The following LSAMP variants were observed in gnomAD, a reference collection of about 807,000 sequenced individuals.
LSAMP encodes limbic system associated membrane protein.
In LSAMP, 7 loss-of-function variants were observed where a neutral mutation model predicts 38.6. The ratio of observed to expected loss-of-function variants is 0.18; its 90% CI spans 0.10 to 0.34. The LOEUF (loss-of-function observed/expected upper bound fraction) is 0.34. Among genes scored for constraint, LSAMP ranks in the 10% least tolerant of loss-of-function variants. The pLI is 1.00. For synonymous variants in LSAMP, 154 were observed against 166.8 expected (o/e 0.92, Z 0.59); for missense variants, 313 against 420.0 (o/e 0.75, Z 2.23).
At chr3:116,254,714 G>A (rs2046728431) in intron 1 of LSAMP, among the ~76,000 whole-genome samples, 1 of 152,166 alleles carries the variant, frequency 6.6e-6, no homozygotes, top group African/African-American at 2.4e-5. Context: ...CATCTGTTTA[G>A]TGATTTGACT....
chr3:115,927,793 G>A lies in LSAMP; in HGVS notation c.515-75176C>T, dbSNP rs148473842. On this transcript the variant is annotated intron_variant, in intron 3 of 6. Coordinates refer to ENST00000490035, the MANE Select transcript of LSAMP (RefSeq NM_002338.5). ...CCCTTCGTCCCCTCCATACACTCCC[G>A]CTGCTTCAAGTCTTTGCTCAAATCT... Among the ~76,000 whole-genome samples, 853 of 152,156 alleles carry A rather than the reference G, an allele frequency of 5.6e-3. 3 individuals are homozygous for A. The highest frequency in any genetic ancestry group is 8.7e-3 in the Non-Finnish European group (591 of 67,988).
At chr3:116,154,920 G>A (rs1026014547) in intron 1 of LSAMP, among the ~76,000 whole-genome samples, 2 of 152,014 alleles carry the variant, frequency 1.3e-5, no homozygotes, top group African/African-American at 4.8e-5. Flanking sequence ...TACAATTTAT[G>A]CATAAACATA....
intron 3 of LSAMP, among the ~76,000 whole-genome samples, chr3:115,980,219 TAAC>T (rs149584175): frequency 0.018 from 2,755 of 152,278 alleles, 79 homozygotes; most frequent in African/African-American, 0.061. Context: ...ATTTCCCTCT[TAAC>T]AAATGATCAG....
chr3:116,296,048 G>T (rs1052163521), intron 1 of LSAMP, among the ~76,000 whole-genome samples: 1 of 152,204 alleles, frequency 6.6e-6, no homozygotes, highest in Non-Finnish European at 1.5e-5. Flanking sequence ...CTGTGAATAT[G>T]AATACGGTCA....
chr3:115,966,176 G>A (rs762830382), intron 3 of LSAMP, among the ~76,000 whole-genome samples: 108 of 152,166 alleles, frequency 7.1e-4, no homozygotes, highest in Non-Finnish European at 6.6e-4. Flanking sequence ...TCTTTCTCCT[G>A]TTGCCAGCCA....
chr3:116,155,018 G>GTTT (rs1553708411), intron 1 of LSAMP, among the ~76,000 whole-genome samples: 3 of 150,904 alleles, frequency 2.0e-5, no homozygotes, highest in South Asian at 2.1e-4. Context: ...GAATGTTTTG[G>GTTT]TTTTTTTTGT....
intron 1 of LSAMP, among the ~76,000 whole-genome samples, chr3:116,244,739 T>A (rs1302174835): frequency 6.6e-6 from 1 of 152,220 alleles, no homozygotes; most frequent in African/African-American, 2.4e-5. Context: ...GGACTCACAT[T>A]TATTTATTGC....
chr3:116,047,707 C>T (rs1941319813), intron 2 of LSAMP, among the ~76,000 whole-genome samples: 1 of 152,130 alleles, frequency 6.6e-6, no homozygotes, highest in African/African-American at 2.4e-5. Flanking sequence ...GCCAACTGGA[C>T]CCTGTTCACA....
At chr3:115,907,303 G>A (rs1292651494) in intron 3 of LSAMP, among the ~76,000 whole-genome samples, 4 of 151,972 alleles carry the variant, frequency 2.6e-5, no homozygotes, top group Non-Finnish European at 2.9e-5. Flanking sequence ...GGCAGTAAAA[G>A]ATGAGCCCTC....
intron 1 of LSAMP, among the ~76,000 whole-genome samples, chr3:116,230,112 C>T (rs1229921935): frequency 6.6e-6 from 1 of 152,126 alleles, no homozygotes; most frequent in Non-Finnish European, 1.5e-5. Flanking sequence ...TCTAAAGTGG[C>T]AGGAATATTT....
At chr3:116,425,153 G>T (rs1036393621) in intron 1 of LSAMP, among the ~76,000 whole-genome samples, 2 of 152,168 alleles carry the variant, frequency 1.3e-5, no homozygotes, top group Non-Finnish European at 2.9e-5. Flanking sequence ...AAATTAGCAA[G>T]AAAGTAGTTT....
chr3:115,894,628 G>C (rs920227855), intron 3 of LSAMP, among the ~76,000 whole-genome samples: 2 of 152,036 alleles, frequency 1.3e-5, no homozygotes, highest in African/African-American at 4.8e-5. Context: ...CATTGTTCAT[G>C]AAAAATGAAA....
intron 1 of LSAMP, among the ~76,000 whole-genome samples, chr3:116,223,297 A>G (rs2046309409): frequency 6.6e-6 from 1 of 152,234 alleles, no homozygotes. Context: ...AGAAAAGACA[A>G]AAGTAATTGT....
At chr3:116,330,648 T>C (rs150515980) in intron 1 of LSAMP, among the ~76,000 whole-genome samples, 4 of 152,168 alleles carry the variant, frequency 2.6e-5, no homozygotes, top group Admixed American at 2.0e-4. Context: ...CTTGGAAAAT[T>C]AGAAAGTGAC....
chr3:116,289,485 A>T (rs1342091081), intron 1 of LSAMP, among the ~76,000 whole-genome samples: 1 of 152,168 alleles, frequency 6.6e-6, no homozygotes, highest in African/African-American at 2.4e-5. Context: ...ACAAACTTAG[A>T]AAATGTTTGA....
At chr3:115,895,635 TGAG>T (rs1475425464) in intron 3 of LSAMP, among the ~76,000 whole-genome samples, 5 of 152,038 alleles carry the variant, frequency 3.3e-5, no homozygotes, top group Non-Finnish European at 7.4e-5. Context: ...AGTAGTATGA[TGAG>T]GAGGGATGAG....
chr3:116,303,095 A>G (rs2047436325), intron 1 of LSAMP, among the ~76,000 whole-genome samples: 1 of 150,238 alleles, frequency 6.7e-6, no homozygotes. Flanking sequence ...TGAATGCCAA[A>G]AAAATGAAAT....
intron 3 of LSAMP, among the ~76,000 whole-genome samples, chr3:115,931,745 C>T (rs1012406684): frequency 6.6e-6 from 1 of 152,180 alleles, no homozygotes; most frequent in Non-Finnish European, 1.5e-5. Context: ...ATCCTGTACA[C>T]CTTATCTTAT....
chr3:115,883,593 G>A (rs536075209), intron 3 of LSAMP, among the ~76,000 whole-genome samples: 40 of 152,064 alleles, frequency 2.6e-4, no homozygotes, highest in Non-Finnish European at 5.1e-4. Context: ...ATAGATGGTA[G>A]ATGCATGGAA....
Sources: allele counts gnomAD v4.1 joint callset (sites outside exome capture counted in the v4.1 genomes callset), GRCh38; gene constraint gnomAD v4.1.1; transcripts MANE v1.5; gene names NCBI Gene and HGNC (gene_info 2026-07-23, HGNC 2026-07-21).